RBMS1: variants seen among roughly 807,000 people sequenced by gnomAD.
RBMS1 encodes the protein RNA-binding motif, single-stranded-interacting protein 1.
Under a neutral mutation model 62.3 loss-of-function variants are expected in RBMS1, and 17 were observed. That is an observed-to-expected ratio of 0.27 (90% CI 0.19 to 0.41). The LOEUF (loss-of-function observed/expected upper bound fraction) is 0.41, where lower values mean the gene tolerates loss of function less well. Ranked by LOEUF, RBMS1 falls within the 10% of genes least tolerant of loss-of-function variation. The pLI, the probability that RBMS1 is intolerant of heterozygous loss-of-function variation, is 1.00. For missense variants in RBMS1, 334 were observed against 504.5 expected, an observed-to-expected ratio of 0.66 and a Z score of 3.24; for synonymous variants, 172 against 170.0, an observed-to-expected ratio of 1.01 and a Z score of -0.09.
chr2:160,356,110 A>G (rs1233191093), intron 2 of RBMS1, among the ~76,000 whole-genome samples: 1 of 152,088 alleles, frequency 6.6e-6, no homozygotes, highest in Non-Finnish European at 1.5e-5. Context: ...TTCTTTTCAT[A>G]TATGCACAAA....
chr2:160,493,572 T>TTCCTCCTCCTCC lies in RBMS1; in HGVS notation c.-221_-210dup. On this transcript the variant is annotated 5_prime_UTR_variant, in exon 1 of 14. Transcript: ENST00000348849. ...CCTCCTCCTCCTCCTCCTCCTCCTC[T>TTCCTCCTCCTCC]TCCTCCTCCTCCTCCTCCTCCCAGG... 1 of 422,306 alleles carries TTCCTCCTCCTCC rather than the reference T, an allele frequency of 2.4e-6. No homozygotes were observed. The highest frequency in any genetic ancestry group is 4.2e-6 in the Non-Finnish European group (1 of 238,660). 26.2% of individuals were successfully genotyped at this position (422,306 alleles called of 1,614,324 possible). A position where few individuals can be genotyped will look rare whatever the true frequency, so the allele number is the denominator to read the frequency against.
chr2:160,318,349 A>T (rs4456654), intron 2 of RBMS1, 122 bp from the exon 3 acceptor site: 174,253 of 1,355,012 alleles, frequency 0.13, 12,507 homozygotes, highest in East Asian at 0.3. Context: ...TGCAAACTTT[A>T]GAGTACAAAA....
At chr2:160,426,272 A>AGAAAGAAAGAAAGAAAGAAAGAAAG (rs1553522561) in intron 1 of RBMS1, among the ~76,000 whole-genome samples, 2 of 127,328 alleles carry the variant, frequency 1.6e-5, no homozygotes, top group Non-Finnish European at 1.7e-5. Flanking sequence ...AAAGAAAGAA[A>AGAAAGAAAGAAAGAAAGAAAGAAAG]GAAAGAAAGA....
At chr2:160,315,685 T>C (rs1469684250) in intron 3 of RBMS1, among the ~76,000 whole-genome samples, 1 of 152,242 alleles carries the variant, frequency 6.6e-6, no homozygotes, top group African/African-American at 2.4e-5. Context: ...TACATGCACT[T>C]CTGTAAGTAT....
At chr2:160,330,851 G>C (rs1691228202) in intron 2 of RBMS1, among the ~76,000 whole-genome samples, 1 of 152,140 alleles carries the variant, frequency 6.6e-6, no homozygotes, top group African/African-American at 2.4e-5. Flanking sequence ...ATCTTATTTA[G>C]AAACAGGGTC....
chr2:160,364,915 T>C (rs1693317105), intron 2 of RBMS1, among the ~76,000 whole-genome samples: 1 of 152,240 alleles, frequency 6.6e-6, no homozygotes. Context: ...GCTAAATTTT[T>C]AGTTCTAAGT....
At chr2:160,287,895 T>C (rs191089531) in intron 6 of RBMS1, among the ~76,000 whole-genome samples, 7 of 151,150 alleles carry the variant, frequency 4.6e-5, no homozygotes, top group East Asian at 3.9e-4. Flanking sequence ...CCACTATATA[T>C]AGATCTGTAT....
intron 6 of RBMS1, among the ~76,000 whole-genome samples, chr2:160,290,198 C>T (rs1305282394): frequency 6.7e-6 from 1 of 149,590 alleles, no homozygotes; most frequent in Non-Finnish European, 1.5e-5. Flanking sequence ...ATCAGGAGAT[C>T]CTATGTGACA....
At chr2:160,395,453 T>G (rs1695086482) in intron 1 of RBMS1, among the ~76,000 whole-genome samples, 1 of 151,908 alleles carries the variant, frequency 6.6e-6, no homozygotes, top group South Asian at 2.1e-4. Context: ...TGAAACCCCG[T>G]CTCTACTAAA....
At chr2:160,324,261 GCACACA>G (rs75747766) in intron 2 of RBMS1, among the ~76,000 whole-genome samples, 1 of 151,208 alleles carries the variant, frequency 6.6e-6, no homozygotes, top group Non-Finnish European at 1.5e-5. Flanking sequence ...GCGTGCGCGT[GCACACA>G]CACACACACA....
At chr2:160,349,693 C>T (rs534167014) in intron 2 of RBMS1, among the ~76,000 whole-genome samples, 2 of 152,110 alleles carry the variant, frequency 1.3e-5, no homozygotes, top group East Asian at 3.9e-4. Flanking sequence ...CCCAGCCTTC[C>T]TTTGTGCCAT....
chr2:160,284,074 T>G (rs574451480), intron 9 of RBMS1: 1 of 152,360 alleles, frequency 6.6e-6, no homozygotes, highest in South Asian at 2.1e-4. Context: ...GGTTCCTATC[T>G]GGGTCCAGGA....
At chr2:160,411,145 T>C (rs77404858) in intron 1 of RBMS1, among the ~76,000 whole-genome samples, 1 of 152,194 alleles carries the variant, frequency 6.6e-6, no homozygotes, top group Non-Finnish European at 1.5e-5. Context: ...TGTGGGAATC[T>C]GATCCAAGGG....
At chr2:160,363,885 G>A (rs1001164514) in intron 2 of RBMS1, among the ~76,000 whole-genome samples, 1 of 152,024 alleles carries the variant, frequency 6.6e-6, no homozygotes, top group African/African-American at 2.4e-5. Context: ...GCAGAGAGTT[G>A]AGCAGGAGAG....
At chr2:160,343,334 A>T (rs994389348) in intron 2 of RBMS1, among the ~76,000 whole-genome samples, 1 of 152,244 alleles carries the variant, frequency 6.6e-6, no homozygotes, top group African/African-American at 2.4e-5. Flanking sequence ...TTAAAAAATT[A>T]AAAACAAGAA....
In RBMS1 at chr2:160,296,990, A is replaced by C. The variant is rs72969041; in HGVS notation, c.640+3661T>G. 4.7e-3 allele frequency among the ~76,000 whole-genome samples: 714 copies of C among 152,288 alleles called. 4 individuals carry two copies. Among genetic ancestry groups the C allele is most frequent in the East Asian group, 0.018 (93 of 5,174 alleles). ...CCAACAAACAGGTGGCCAGGGTAGC[A>C]GTTAAAGGCTCCCTCTCCAGACCTG... On this transcript the variant is annotated intron_variant, in intron 6 of 13. Transcript: ENST00000348849.
intron 1 of RBMS1, among the ~76,000 whole-genome samples, chr2:160,475,123 T>C (rs1685070615): frequency 6.6e-6 from 1 of 152,248 alleles, no homozygotes; most frequent in Non-Finnish European, 1.5e-5. Context: ...CTAATTCATT[T>C]GAGTAATCAC....
chr2:160,320,516 A>T (rs1690496318), intron 2 of RBMS1, among the ~76,000 whole-genome samples: 1 of 152,134 alleles, frequency 6.6e-6, no homozygotes, highest in African/African-American at 2.4e-5. Flanking sequence ...AGGCTTAATG[A>T]GAGGTGTCTG....
intron 1 of RBMS1, among the ~76,000 whole-genome samples, chr2:160,383,458 G>GC (rs1694393438): frequency 1.3e-5 from 2 of 150,460 alleles, no homozygotes; most frequent in East Asian, 2.0e-4. Context: ...TGAATTGGGG[G>GC]GGGGGGAACT....
Sources: gnomAD v4.1 joint callset for allele counts (sites outside exome capture counted in the v4.1 genomes callset) on GRCh38, gnomAD v4.1.1 for gene constraint, MANE v1.5 for transcripts, NCBI Gene and HGNC (gene_info 2026-07-23, HGNC 2026-07-21) for gene names.